The following RNF213 variants were observed in gnomAD, a reference collection of about 807,000 sequenced individuals.
The protein encoded by RNF213 is ring finger protein 213.
A neutral mutation model predicts 514.4 loss-of-function variants in RNF213; 341 were observed. The observed-to-expected ratio is 0.66, with a 90% CI of 0.61 to 0.73. The LOEUF (loss-of-function observed/expected upper bound fraction) is 0.73, where lower values mean the gene tolerates loss of function less well. Among genes scored for constraint, RNF213 ranks in the 30% least tolerant of loss-of-function variants. RNF213 has a pLI of 0.00. For synonymous variants in RNF213, 2,655 were observed against 2,658.2 expected, an observed-to-expected ratio of 1.00 and a Z score of 0.04; for missense variants, 5,767 against 6,615.6, an observed-to-expected ratio of 0.87 and a Z score of 4.45.
At chr17:80,303,101 G>T (rs578143578) in intron 11 of RNF213, among the ~76,000 whole-genome samples, 21 of 152,188 alleles carry the variant, frequency 1.4e-4, no homozygotes, top group African/African-American at 4.6e-4. Context: ...AAGGCACAGC[G>T]TGTACAGCAC....
chr17:80,327,012 A>G (rs1017547897), intron 18 of RNF213, among the ~76,000 whole-genome samples: 4 of 152,226 alleles, frequency 2.6e-5, no homozygotes. Flanking sequence ...ATTTTGCAAG[A>G]TAATGAAGTT....
In RNF213 at chr17:80,394,530, C is replaced by T. The variant is rs967860387; in HGVS notation, c.*1032C>T. ...GTGTTGCCTTTTTTCTTTACAAAAT[C>T]TGCTTTGATACTTAGGACCTCTCTG... is the stretch of plus-strand genomic sequence containing the variant. On this transcript the variant is annotated 3_prime_UTR_variant, in exon 68 of 68. Transcript: ENST00000582970. The T allele has an allele frequency of 6.6e-6, 1 of 152,178 alleles. No homozygotes were observed. Among genetic ancestry groups the T allele is most frequent in the African/African-American group, 2.4e-5 (1 of 41,426 alleles). The allele number at this position is 152,178 out of a possible 1,614,324, so 9.4% of individuals were successfully genotyped here. A position where few individuals can be genotyped will look rare whatever the true frequency, so the allele number is the denominator to read the frequency against.
At chr17:80,350,264 C>A in intron 30 of RNF213, 37 bp from the exon 31 acceptor site, 1 of 1,275,280 alleles carries the variant, frequency 7.8e-7, no homozygotes, top group Non-Finnish European at 1.1e-6. Flanking sequence ...TTTTTTAAGA[C>A]AGAGAACTCA....
intron 20 of RNF213, among the ~76,000 whole-genome samples, chr17:80,331,581 G>A (rs1257635549): frequency 6.6e-6 from 1 of 151,460 alleles, no homozygotes; most frequent in African/African-American, 2.4e-5. Flanking sequence ...TAGAGACAGG[G>A]TTTTGTCATG....
intron 22 of RNF213, 176 bp downstream of exon 22, chr17:80,334,446 G>A (rs55731085): frequency 0.054 from 33,220 of 614,858 alleles, 1,761 homozygotes; most frequent in African/African-American, 0.21. Context: ...AGTTCACACC[G>A]GTACAGTATT....
chr17:80,372,755 T>C, intron 48 of RNF213, 21 bp downstream of exon 48: 3 of 1,609,426 alleles, frequency 1.9e-6, no homozygotes, highest in Non-Finnish European at 2.5e-6. Context: ...TCTGCCTTGC[T>C]TTCCTTTGGG....
At position 80,389,020 on chromosome 17, in the gene RNF213, A is replaced by C. The variant is rs1351639353; in HGVS notation, c.15001-153A>C. ...CTGTGTGTCTCCATGGCCTCCAGGAACTGCCTGCACACCGTGCGCCCAAGT... is the reference window on the plus strand; with the variant it reads ...CTGTGTGTCTCCATGGCCTCCAGGACCTGCCTGCACACCGTGCGCCCAAGT... On this transcript the variant is annotated intron_variant, in intron 64 of 67. Coordinates refer to ENST00000582970, the MANE Select transcript of RNF213 (RefSeq NM_001256071.3). The C allele has an allele frequency of 1.3e-5, 9 of 705,992 alleles. No individual in the cohort carries two copies. In the Admixed American group the frequency reaches 1.9e-4, roughly 15 times the overall value. 43.7% of individuals were successfully genotyped at this position (705,992 alleles called of 1,614,324 possible).
At chr17:80,352,661 A>G (rs2078569454) in intron 32 of RNF213, 1 of 608,918 alleles carries the variant, frequency 1.6e-6, no homozygotes, top group East Asian at 2.7e-5. Flanking sequence ...GGGTGAAAGA[A>G]CCACAGGCCT....
In RNF213 at chr17:80,261,156, C is replaced by T. The variant is rs548797800; in HGVS notation, c.-109+254C>T. 3.1e-3 allele frequency among the ~76,000 whole-genome samples: 479 copies of T among 152,182 alleles called. 1 individual carries two copies. Among genetic ancestry groups the T allele is most frequent in the Middle Eastern group, 0.017 (5 of 292 alleles). On this transcript the variant is annotated intron_variant, in intron 1 of 67. Coordinates refer to ENST00000582970, the MANE Select transcript of RNF213 (RefSeq NM_001256071.3). ...GGGGCAGCGGGCACGCCTGGGACCC[C>T]GGCGACATCCCCGGAGCGCAGAGCG... is the stretch of plus-strand genomic sequence containing the variant.
rs1180195180 is a variant in RNF213 at position 80,398,290 on chromosome 17, A to G, written c.*4792A>G. Reference sequence around the variant, plus strand: ...TTTTACCTGTTCTTTGTTTTGTGGTATGCGTGTAGGGTGAGCGTAATGTTT... The same window carrying G: ...TTTTACCTGTTCTTTGTTTTGTGGTGTGCGTGTAGGGTGAGCGTAATGTTT... On this transcript the variant is annotated 3_prime_UTR_variant, in exon 68 of 68. Transcript: ENST00000582970. The G allele has an allele frequency of 6.6e-6, 1 of 152,152 alleles. No individual in the cohort carries two copies. Among genetic ancestry groups the G allele is most frequent in the Non-Finnish European group, 1.5e-5 (1 of 68,034 alleles). The allele number at this position is 152,152 out of a possible 1,614,324, so 9.4% of individuals were successfully genotyped here.
chr17:80,291,884 G>A (rs1013891426), intron 8 of RNF213, 57 bp downstream of exon 8: 6 of 1,585,998 alleles, frequency 3.8e-6, no homozygotes, highest in African/African-American at 1.3e-5. Context: ...TGCCAATCCC[G>A]CGGTACTGGA....
rs1312384999 is a variant in RNF213 at position 80,288,069 on chromosome 17, C to T, written c.516C>T (p.Ser172=). ...CCGCGCCCACCGAGGTTGGCGACAG[C>T]CCCCTGCAGGCCCAGGCTTTGGGAG... The part of the protein sequence containing the change: ...GLSAPTEVGD[S]PLQAQALGEA... The change falls in exon 4 of 68, where the codon AGC becomes AGT. Residue 172 remains serine, a synonymous_variant. Transcript: ENST00000582970. The surrounding 1 kb of genome is among the most constrained non-coding windows in gnomAD (Gnocchi z 4.9). The T allele has an allele frequency of 3.7e-6, 6 of 1,608,216 alleles. No individual in the cohort carries two copies. The African/African-American group carries it at 5.3e-5, about 14-fold the overall frequency.
intron 29 of RNF213, 84 bp downstream of exon 29, chr17:80,348,370 C>T (rs2078387447): frequency 6.4e-7 from 1 of 1,573,398 alleles, no homozygotes; most frequent in East Asian, 2.2e-5. Context: ...GATTCTTCCC[C>T]AGGCAGCGGT....
At chr17:80,383,970 G>C in intron 59 of RNF213, 42 bp downstream of exon 59, 1 of 1,613,692 alleles carries the variant, frequency 6.2e-7, no homozygotes, top group South Asian at 1.1e-5. Context: ...TTTCGGTGCA[G>C]AGTTCCCCAG....
rs765543315 is a variant in RNF213, at chr17:80,354,171, G to A, written c.10726+5G>A. ...ATGAGGATGACGCGTGCCACGGTAT[G>A]AGCCTCCCCACCCCTCTTGCCCCTG... is the stretch of plus-strand genomic sequence containing the variant. On this transcript the variant is annotated splice_donor_5th_base_variant and intron_variant, in intron 35 of 67. Coordinates refer to ENST00000582970, the MANE Select transcript of RNF213 (RefSeq NM_001256071.3). 7 of 1,613,028 alleles carry A rather than the reference G, an allele frequency of 4.3e-6. No individual in the cohort carries two copies. The highest frequency in any genetic ancestry group is 2.7e-5 in the African/African-American group (2 of 74,908).
chr17:80,299,262 G>A (rs933025946), intron 11 of RNF213, among the ~76,000 whole-genome samples: 1 of 152,108 alleles, frequency 6.6e-6, no homozygotes, highest in Non-Finnish European at 1.5e-5. Context: ...TATTGAGCCA[G>A]TTCTCTGTTA....
At chr17:80,305,355 T>C (rs1250422747) in intron 11 of RNF213, among the ~76,000 whole-genome samples, 3 of 151,706 alleles carry the variant, frequency 2.0e-5, no homozygotes, top group Non-Finnish European at 2.9e-5. Flanking sequence ...ATTTAGGATT[T>C]TTAGTAGAGA....
chr17:80,381,069 C>T (rs955826116), intron 56 of RNF213, 82 bp downstream of exon 56: 16 of 1,367,260 alleles, frequency 1.2e-5, no homozygotes, highest in Non-Finnish European at 1.7e-5. Flanking sequence ...TGTCTTGAGT[C>T]CTAGCTGCCA....
chr17:80,314,319 A>G (rs867367525), intron 15 of RNF213, among the ~76,000 whole-genome samples: 4 of 23,392 alleles, frequency 1.7e-4, no homozygotes, highest in Non-Finnish European at 3.3e-4. Context: ...GGTGGAGGTA[A>G]TGGAGGTGAT....
Sources: allele counts gnomAD v4.1 joint callset (sites outside exome capture counted in the v4.1 genomes callset), GRCh38; gene constraint gnomAD v4.1.1; non-coding constraint Gnocchi (gnomAD v3.1); transcripts MANE v1.5; gene names NCBI Gene and HGNC (gene_info 2026-07-23, HGNC 2026-07-21).